Variants in ARHGEF28 observed in about 807,000 individuals in gnomAD.
ARHGEF28 encodes the protein 190 kDa guanine nucleotide exchange factor.
ARHGEF28 carries 152 observed loss-of-function variants against 206.6 expected under a neutral mutation model. The ratio of observed to expected loss-of-function variants is 0.74; its 90% CI spans 0.64 to 0.84. The LOEUF is 0.84. Among genes scored for constraint, ARHGEF28 ranks in the 40% least tolerant of loss-of-function variants. The pLI is 0.00. For synonymous variants in ARHGEF28, 763 were observed against 776.4 expected (o/e 0.98, Z 0.29); for missense variants, 2,028 against 2,073.2 (o/e 0.98, Z 0.42).
At chr5:73,901,328 T>G in intron 31 of ARHGEF28, 44 bp downstream of exon 31, 1 of 1,518,512 alleles carries the variant, frequency 6.6e-7, no homozygotes, top group Non-Finnish European at 9.0e-7. Context: ...GGTTACTGTG[T>G]ATAATAAAAT....
At chr5:73,669,778 C>A (rs1323029495) in intron 1 of ARHGEF28, among the ~76,000 whole-genome samples, 1 of 152,162 alleles carries the variant, frequency 6.6e-6, no homozygotes, top group Non-Finnish European at 1.5e-5. Context: ...CCTCTGCCTC[C>A]CAGATTCAAG....
chr5:73,717,769 A>G (rs1453095540), intron 2 of ARHGEF28, among the ~76,000 whole-genome samples: 2 of 152,182 alleles, frequency 1.3e-5, no homozygotes, highest in African/African-American at 4.8e-5. Flanking sequence ...AAAGAGTGTC[A>G]TGTGTAAGTT....
chr5:73,702,535 T>G (rs773115965), intron 2 of ARHGEF28, among the ~76,000 whole-genome samples: 10 of 152,156 alleles, frequency 6.6e-5, no homozygotes, highest in Non-Finnish European at 1.3e-4. Flanking sequence ...AGTCCCTGCT[T>G]TCAATTTTTT....
Position 73,832,471 on chromosome 5 carries a change from C to A in ARHGEF28, c.1146+12C>A. ...TGGTGATTGATCAGGTAAGGCCCAA[C>A]TGACATTACAGGATGATTTCTACCT... On this transcript the variant is annotated intron_variant, in intron 10 of 35. Transcript: ENST00000513042. 1 of 1,610,044 alleles carries A rather than the reference C, an allele frequency of 6.2e-7. No individual in the cohort carries two copies. The highest frequency in any genetic ancestry group is 8.5e-7 in the Non-Finnish European group (1 of 1,177,986).
intron 10 of ARHGEF28, among the ~76,000 whole-genome samples, chr5:73,833,240 A>G (rs1757411818): frequency 6.6e-6 from 1 of 152,216 alleles, no homozygotes; most frequent in East Asian, 1.9e-4. Flanking sequence ...TTTAAAACTT[A>G]ATCCCTATAT....
intron 6 of ARHGEF28, among the ~76,000 whole-genome samples, chr5:73,777,715 A>G (rs181018403): frequency 2.6e-5 from 4 of 152,290 alleles, no homozygotes; most frequent in Admixed American, 6.5e-5. Context: ...ATTTTCTGAC[A>G]TACAGCATCA....
At chr5:73,636,195 A>G (rs1743706020) in intron 1 of ARHGEF28, among the ~76,000 whole-genome samples, 1 of 152,202 alleles carries the variant, frequency 6.6e-6, no homozygotes, top group African/African-American at 2.4e-5. Flanking sequence ...GATTTCAACT[A>G]TAGATAACTT....
At chr5:73,714,400 G>C (rs1384168068) in intron 2 of ARHGEF28, among the ~76,000 whole-genome samples, 1 of 152,188 alleles carries the variant, frequency 6.6e-6, no homozygotes, top group African/African-American at 2.4e-5. Context: ...AACTGGAACT[G>C]ATCACGTGGT....
chr5:73,885,724 TA>T, intron 24 of ARHGEF28, 125 bp from the exon 25 acceptor site: 1 of 1,063,510 alleles, frequency 9.4e-7, no homozygotes, highest in Non-Finnish European at 1.3e-6. Flanking sequence ...ACATTTTTCT[TA>T]TGGGATTTTT....
At chr5:73,730,295 A>T (rs1025329343) in intron 2 of ARHGEF28, among the ~76,000 whole-genome samples, 8 of 152,150 alleles carry the variant, frequency 5.3e-5, no homozygotes, top group Non-Finnish European at 1.2e-4. Context: ...AGTTGGGGGT[A>T]AAAATGCTTC....
At chr5:73,932,217 A>G (rs1242304758) in intron 35 of ARHGEF28, among the ~76,000 whole-genome samples, 1 of 152,218 alleles carries the variant, frequency 6.6e-6, no homozygotes, top group Non-Finnish European at 1.5e-5. Flanking sequence ...AATTAGAGAA[A>G]ATTCTAGTTT....
intron 6 of ARHGEF28, chr5:73,780,407 T>A (rs1753770830): frequency 2.3e-6 from 1 of 429,830 alleles, no homozygotes; most frequent in Admixed American, 3.6e-5. Context: ...ATGATATTCC[T>A]GAGAACCTTC....
chr5:73,844,004 G>A (rs1758147380), intron 11 of ARHGEF28, among the ~76,000 whole-genome samples: 1 of 151,998 alleles, frequency 6.6e-6, no homozygotes, highest in African/African-American at 2.4e-5. Flanking sequence ...AAAAACTCTA[G>A]TTACAACCTA....
At chr5:73,673,719 C>T (rs1371987699) in intron 1 of ARHGEF28, among the ~76,000 whole-genome samples, 3 of 152,152 alleles carry the variant, frequency 2.0e-5, no homozygotes, top group Non-Finnish European at 4.4e-5. Flanking sequence ...TTGCAACTAG[C>T]ATTTAGTGTT....
At chr5:73,896,510 T>C (rs1761969411) in intron 29 of ARHGEF28, among the ~76,000 whole-genome samples, 1 of 152,202 alleles carries the variant, frequency 6.6e-6, no homozygotes, top group South Asian at 2.1e-4. Context: ...CTTAAAACAC[T>C]GGCTGCTGAA....
At chr5:73,699,256 G>T (rs139756990) in intron 2 of ARHGEF28, among the ~76,000 whole-genome samples, 1 of 152,018 alleles carries the variant, frequency 6.6e-6, no homozygotes, top group Non-Finnish European at 1.5e-5. Flanking sequence ...GTCATGAAAG[G>T]TGGCCCTGAT....
At chr5:73,872,254 T>C (rs1760151806) in intron 21 of ARHGEF28, among the ~76,000 whole-genome samples, 2 of 152,228 alleles carry the variant, frequency 1.3e-5, no homozygotes, top group Admixed American at 1.3e-4. Context: ...TGAGCATCTT[T>C]TCATGTTCTT....
At chr5:73,768,719 G>C (rs1455047177) in intron 4 of ARHGEF28, among the ~76,000 whole-genome samples, 1 of 152,092 alleles carries the variant, frequency 6.6e-6, no homozygotes, top group African/African-American at 2.4e-5. Flanking sequence ...GCTGAAATGA[G>C]TTAAGACTTT....
At chr5:73,714,405 C>T (rs1421719994) in intron 2 of ARHGEF28, among the ~76,000 whole-genome samples, 3 of 152,160 alleles carry the variant, frequency 2.0e-5, no homozygotes, top group Admixed American at 6.5e-5. Flanking sequence ...GAACTGATCA[C>T]GTGGTCCATC....
Sources: allele counts gnomAD v4.1 joint callset (sites outside exome capture counted in the v4.1 genomes callset), GRCh38; gene constraint gnomAD v4.1.1; transcripts MANE v1.5; gene names NCBI Gene and HGNC (gene_info 2026-07-23, HGNC 2026-07-21).